TMEM132A: variants seen among roughly 807,000 people sequenced by gnomAD.
TMEM132A encodes transmembrane protein 132A, also known as GRP78-binding protein.
Under a neutral mutation model 69.9 loss-of-function variants are expected in TMEM132A, and 48 were observed. The ratio of observed to expected loss-of-function variants is 0.69; its 90% CI spans 0.55 to 0.87. The LOEUF (loss-of-function observed/expected upper bound fraction) is 0.87, where lower values mean the gene tolerates loss of function less well. TMEM132A is among the 40% of genes least tolerant of loss of function. The probability of loss-of-function intolerance (pLI) is 0.00; values close to 1 mark genes in which losing one functional copy is unlikely to be tolerated. For missense variants in TMEM132A, 1,287 were observed against 1,407.2 expected (o/e 0.91, Z 1.37); for synonymous variants, 577 against 613.7 (o/e 0.94, Z 0.88).
At chr11:60,928,503 C>A in intron 3 of TMEM132A, 126 bp from the exon 4 acceptor site, 1 of 888,876 alleles carries the variant, frequency 1.1e-6, no homozygotes. Context: ...GCTGTGTCTC[C>A]GGCCCATGCT....
At chr11:60,930,421 GA>G in intron 4 of TMEM132A, 88 bp from the exon 5 acceptor site, 1 of 1,450,304 alleles carries the variant, frequency 6.9e-7, no homozygotes, top group Admixed American at 2.3e-5. Context: ...AGGGAGGTCA[GA>G]TGGCTTTGGC....
intron 4 of TMEM132A, 101 bp downstream of exon 4, chr11:60,929,061 C>G (rs942260149): frequency 8.2e-7 from 1 of 1,221,964 alleles, no homozygotes; most frequent in Non-Finnish European, 1.2e-6. Context: ...AATCCTTGAC[C>G]TCTGCAAAAC....
rs1590629439 is a variant in TMEM132A, at chr11:60,934,491, T to G, written c.1563T>G (p.Pro521=). The part of the protein sequence containing the change: ...GWRVPGPAEG[P]AEPAAEASDE... ...TCCCGGCCTCCCCGCCCTGCAGGCC[T>G]GCGGAACCCGCTGCAGAGGCGTCGG... is the stretch of plus-strand genomic sequence containing the variant. Residue 521 remains proline (P), a synonymous_variant, in exon 9 of 11, where the codon CCT becomes CCG. Transcript: ENST00000453848. The G allele has an allele frequency of 7.2e-7, 1 of 1,387,918 alleles. No individual in the cohort carries two copies. Among genetic ancestry groups the G allele is most frequent in the East Asian group, 3.0e-5 (1 of 33,552 alleles). 86.0% of individuals were successfully genotyped at this position (1,387,918 alleles called of 1,614,324 possible).
chr11:60,935,555 G>T lies in TMEM132A; in HGVS notation c.2028+112G>T. Reference sequence around the variant, plus strand: ...ACCTCGACCCCTTAGGGTTTTCAGAGTGAGGACTGACTCTGTGAGGTAGTG... The same window carrying T: ...ACCTCGACCCCTTAGGGTTTTCAGATTGAGGACTGACTCTGTGAGGTAGTG... On this transcript the variant is annotated intron_variant, in intron 10 of 10. Transcript: ENST00000453848. The surrounding 1 kb of genome is among the most constrained non-coding windows in gnomAD (Gnocchi z 5.0). The T allele has an allele frequency of 8.6e-7, 1 of 1,163,928 alleles. No individual in the cohort carries two copies. The allele number at this position is 1,163,928 out of a possible 1,614,324, so 72.1% of individuals were successfully genotyped here. A position where few individuals can be genotyped will look rare whatever the true frequency, so the allele number is the denominator to read the frequency against.
Position 60,933,718 on chromosome 11 carries a change from C to T in TMEM132A, c.1533C>T (p.Gly511=), listed in dbSNP as rs1392516050. Residue 511 remains glycine, a synonymous_variant, in exon 8 of 11, where the codon GGC becomes GGT. Transcript: ENST00000453848. ...ACACCACCCTCGAGCAGGTCCGCGG[C>T]TGGAGGGTACCTGGCCCTGCTGAAG... ...LTDTTLEQVR[G]WRVPGPAEGP... is the part of the protein sequence containing the mutation. 2 of 1,588,686 alleles carry T rather than the reference C, an allele frequency of 1.3e-6. No individual in the cohort carries two copies. Among genetic ancestry groups the T allele is most frequent in the Non-Finnish European group, 8.6e-7 (1 of 1,169,008 alleles).
chr11:60,929,779 C>T (rs189149043), intron 4 of TMEM132A, among the ~76,000 whole-genome samples: 82 of 152,322 alleles, frequency 5.4e-4, no homozygotes, highest in Non-Finnish European at 7.1e-4. Context: ...CCATCTCCTA[C>T]GCCCTCCTAT....
chr11:60,934,940 A>AG (rs11379371), intron 9 of TMEM132A, among the ~76,000 whole-genome samples, 176 bp downstream of exon 9: 49,193 of 151,896 alleles, frequency 0.32, 9,003 homozygotes, highest in Middle Eastern at 0.41. Context: ...TGGCCGCATA[A>AG]GGGGGGAAGC....
rs1000126500 is a variant in TMEM132A at position 60,935,104 on chromosome 11, G to A, written c.1837-148G>A. 1.6e-5 allele frequency: 12 copies of A among 735,232 alleles called. No individual in the cohort carries two copies. Among genetic ancestry groups the A allele is most frequent in the African/African-American group, 7.1e-5 (4 of 56,362 alleles). 45.5% of individuals were successfully genotyped at this position (735,232 alleles called of 1,614,324 possible). On this transcript the variant is annotated intron_variant, in intron 9 of 10. Coordinates refer to ENST00000453848, the MANE Select transcript of TMEM132A (RefSeq NM_178031.3). This position sits in a 1 kb window ranked among gnomAD's most constrained non-coding sequence, Gnocchi z 5.0. ...GCCCATGAGCCTGCTGGGAGTACCC[G>A]GTTCCCTCTGGGTGGGGGCTGTCCG...
rs373204064 is a variant in TMEM132A at position 60,936,048 on chromosome 11, T to G, written c.2213T>G (p.Leu738Arg). Residue 738 changes from leucine to arginine, a missense_variant, in exon 11 of 11, where the codon CTG becomes CGG. Physicochemically the swap from Leu to Arg is moderately radical, Grantham distance 102. Coordinates refer to ENST00000453848, the MANE Select transcript of TMEM132A (RefSeq NM_178031.3). ...VSGAGAEGLP[L>R]HVALHPPEPC... ...GGGGCAGGCGCCGAGGGGCTGCCGC[T>G]GCATGTGGCTCTGCACCCGCCCGAG... 3.1e-6 allele frequency: 5 copies of G among 1,605,924 alleles called. No individual in the cohort carries two copies. In the East Asian group the frequency reaches 6.7e-5, roughly 22 times the overall value.
rs1287740555 is a variant in TMEM132A at position 60,931,719 on chromosome 11, G to A, written c.1047G>A (p.Val349=). Residue 349 remains valine (V), a synonymous_variant, in exon 6 of 11, where the codon GTG becomes GTA. Transcript: ENST00000453848. ...TTGAACTGTCTGAGTTCCTATGGGT[G>A]GACTTTGTGGTGGAGAATAGCACTG... The part of the protein sequence containing the change: ...SPLELSEFLW[V]DFVVENSTGG... The A allele has an allele frequency of 3.1e-6, 5 of 1,613,920 alleles. No individual in the cohort carries two copies. The Admixed American group carries it at 8.3e-5, about 27-fold the overall frequency.
rs1373925695 is a variant in TMEM132A at position 60,930,528 on chromosome 11, G to T, written c.885G>T (p.Gly295=). The T allele has an allele frequency of 6.2e-7, 1 of 1,607,680 alleles. No homozygotes were observed. The highest frequency in any genetic ancestry group is 1.7e-5 in the Admixed American group (1 of 59,146). ...LLTLRIKVKK[G]LHVTAARPAQ... ...TCCCCAGGATCAAGGTGAAGAAGGG[G>T]CTGCATGTGACAGCCGCCCGCCCAG... is the stretch of plus-strand genomic sequence containing the variant. Residue 295 remains glycine (G), a synonymous_variant, in exon 5 of 11, where the codon GGG becomes GGT. Transcript: ENST00000453848.
rs1229892392 is a variant in TMEM132A at position 60,933,479 on chromosome 11, G to A, written c.1357-63G>A. 4.2e-6 allele frequency: 6 copies of A among 1,444,426 alleles called. No homozygotes were observed. In the Admixed American group the frequency reaches 5.8e-5, roughly 14 times the overall value. 89.5% of individuals were successfully genotyped at this position (1,444,426 alleles called of 1,614,324 possible). On this transcript the variant is annotated intron_variant, in intron 7 of 10. Coordinates refer to ENST00000453848, the MANE Select transcript of TMEM132A (RefSeq NM_178031.3). The stretch of plus-strand genomic sequence containing the variant: ...GACTACAGGCATGAGCCACCCACCC[G>A]GCCCAGCCTCACACCTGTCTTTAGT...
rs1232253290 is a variant in TMEM132A at position 60,928,801 on chromosome 11, G to A, written c.707G>A (p.Gly236Asp). 2 of 1,611,002 alleles carry A rather than the reference G, an allele frequency of 1.2e-6. No homozygotes were observed. The highest frequency in any genetic ancestry group is 1.1e-5 in the South Asian group (1 of 90,984). Residue 236 changes from glycine to aspartate, a missense_variant, in exon 4 of 11, where the codon GGT (glycine) becomes GAT (aspartate). Transcript: ENST00000453848. ...GGGGAGCAGGCCCTCCCAGTGGGGG[G>A]TGTGGAGCTGCGCCCAGCAGACCCC... ...DPGEQALPVG[G>D]VELRPADPPQ... is the part of the protein sequence containing the mutation.
At position 60,936,725 on chromosome 11, in the gene TMEM132A, G is replaced by C. The variant is rs1460553208; in HGVS notation, c.2890G>C (p.Glu964Gln). Residue 964 changes from glutamate to glutamine, a missense_variant, in exon 11 of 11, where the codon GAG (glutamate) becomes CAG (glutamine). By Grantham distance (29) the Glu-to-Gln change is conservative. Transcript: ENST00000453848. ...KEAGGRRKRV[E>Q]FVTFAPAPPA... ...GGCTGGGGGGCGGCGGAAGCGAGTA[G>C]AGTTTGTGACATTTGCGCCAGCCCC... The C allele has an allele frequency of 1.3e-6, 2 of 1,593,866 alleles. No homozygotes were observed. Among genetic ancestry groups the C allele is most frequent in the Non-Finnish European group, 1.7e-6 (2 of 1,170,610 alleles).
rs1160167102 is a variant in TMEM132A at position 60,936,423 on chromosome 11, T to A, written c.2588T>A (p.Ile863Asn). 6.2e-7 allele frequency: 1 copy of A among 1,614,176 alleles called. No individual in the cohort carries two copies. Among genetic ancestry groups the A allele is most frequent in the Non-Finnish European group, 8.5e-7 (1 of 1,180,008 alleles). Residue 863 changes from isoleucine to asparagine, a missense_variant, in exon 11 of 11, where the codon ATC becomes AAC. Transcript: ENST00000453848. Reference sequence around the variant, plus strand: ...GGAGTCTTCTGCGTGGCCATCTTCATCTTCTTGGTCAATGGTGTGGTCTTC... The same window carrying A: ...GGAGTCTTCTGCGTGGCCATCTTCAACTTCTTGGTCAATGGTGTGGTCTTC... ...LLGVFCVAIF[I>N]FLVNGVVFVL...
In TMEM132A at chr11:60,935,664, C is replaced by T; in HGVS notation, c.2029-200C>T. On this transcript the variant is annotated intron_variant, in intron 10 of 10. Transcript: ENST00000453848. The surrounding 1 kb of genome is among the most constrained non-coding windows in gnomAD (Gnocchi z 5.0). ...TTAGATGGCTCTAACTGAGGACCCT[C>T]CCAATAACTCAGACCCTAGGGCTGA... 1 of 778,306 alleles carries T rather than the reference C, an allele frequency of 1.3e-6. No individual in the cohort carries two copies. The highest frequency in any genetic ancestry group is 2.0e-6 in the Non-Finnish European group (1 of 496,312). 48.2% of individuals were successfully genotyped at this position (778,306 alleles called of 1,614,324 possible).
chr11:60,936,437 G>A lies in TMEM132A; in HGVS notation c.2602G>A (p.Gly868Ser), dbSNP rs1175438152. The A allele has an allele frequency of 6.2e-7, 1 of 1,614,112 alleles. No homozygotes were observed. Among genetic ancestry groups the A allele is most frequent in the Non-Finnish European group, 8.5e-7 (1 of 1,180,040 alleles). ...GGCCATCTTCATCTTCTTGGTCAATGGTGTGGTCTTCGTCCTGCGCTATCA... is the reference window on the plus strand; with the variant it reads ...GGCCATCTTCATCTTCTTGGTCAATAGTGTGGTCTTCGTCCTGCGCTATCA... ...CVAIFIFLVNGVVFVLRYQRK... is the reference protein window; with the variant it reads ...CVAIFIFLVNSVVFVLRYQRK... Residue 868 changes from glycine (G) to serine (S), a missense_variant, in exon 11 of 11, where the codon GGT becomes AGT. By Grantham distance (56) the Gly-to-Ser change is moderately conservative. Transcript: ENST00000453848.
Position 60,935,164 on chromosome 11 carries a change from C to G in TMEM132A, c.1837-88C>G. On this transcript the variant is annotated intron_variant, in intron 9 of 10. Coordinates refer to ENST00000453848, the MANE Select transcript of TMEM132A (RefSeq NM_178031.3). The surrounding 1 kb of genome is among the most constrained non-coding windows in gnomAD (Gnocchi z 5.0). The stretch of plus-strand genomic sequence containing the variant: ...CCTCCCCCACCTCCGGAGGGCAGCC[C>G]GTGAGGGTGCTGGGAGCACCCGGTT... The G allele has an allele frequency of 7.6e-7, 1 of 1,319,086 alleles. No individual in the cohort carries two copies. The highest frequency in any genetic ancestry group is 1.4e-5 in the South Asian group (1 of 72,870). The allele number at this position is 1,319,086 out of a possible 1,614,324, so 81.7% of individuals were successfully genotyped here. A position where few individuals can be genotyped will look rare whatever the true frequency, so the allele number is the denominator to read the frequency against.
rs1590628175 is a variant in TMEM132A at position 60,933,315 on chromosome 11, T to C, written c.1357-227T>C. The C allele has an allele frequency of 7.2e-6, 4 of 558,194 alleles. No homozygotes were observed. In the East Asian group the frequency reaches 1.2e-4, roughly 17 times the overall value. The allele number at this position is 558,194 out of a possible 1,614,324, so 34.6% of individuals were successfully genotyped here. A position where few individuals can be genotyped will look rare whatever the true frequency, so the allele number is the denominator to read the frequency against. ...CTCCCACCTCAGCCTCCCCAGTAGCTAGGACTACAGGCATGTGCCACCACA... is the reference window on the plus strand; with the variant it reads ...CTCCCACCTCAGCCTCCCCAGTAGCCAGGACTACAGGCATGTGCCACCACA... On this transcript the variant is annotated intron_variant, in intron 7 of 10. Coordinates refer to ENST00000453848, the MANE Select transcript of TMEM132A (RefSeq NM_178031.3).
Sources: gnomAD v4.1 joint callset for allele counts (sites outside exome capture counted in the v4.1 genomes callset) on GRCh38, gnomAD v4.1.1 for gene constraint, Gnocchi (gnomAD v3.1) non-coding constraint, MANE v1.5 for transcripts, NCBI Gene and HGNC (gene_info 2026-07-23, HGNC 2026-07-21) for gene names.